ROR2: variants seen among roughly 807,000 people sequenced by gnomAD.
ROR2 encodes tyrosine-protein kinase transmembrane receptor ROR2.
Under a neutral mutation model 74.9 loss-of-function variants are expected in ROR2, and 33 were observed. The observed-to-expected ratio is 0.44, with a 90% CI of 0.33 to 0.59. ROR2 has a LOEUF of 0.59. ROR2 is among the 20% of genes least tolerant of loss of function. The pLI, the probability that ROR2 is intolerant of heterozygous loss-of-function variation, is 0.02. For synonymous variants in ROR2, 586 were observed against 558.7 expected, an observed-to-expected ratio of 1.05 and a Z score of -0.69; for missense variants, 1,216 against 1,313.8, an observed-to-expected ratio of 0.93 and a Z score of 1.15.
chr9:91,856,821 G>C (rs10992137), intron 1 of ROR2, among the ~76,000 whole-genome samples: 1 of 152,072 alleles, frequency 6.6e-6, no homozygotes, highest in African/African-American at 2.4e-5. Flanking sequence ...ACATGCACTG[G>C]GATGCTTGCT....
intron 1 of ROR2, among the ~76,000 whole-genome samples, chr9:91,821,535 C>G (rs1458606073): frequency 6.6e-6 from 1 of 152,098 alleles, no homozygotes; most frequent in Admixed American, 6.5e-5. Flanking sequence ...CAGTAGTACC[C>G]CCTGCCCCAC....
intron 1 of ROR2, among the ~76,000 whole-genome samples, chr9:91,891,027 T>A (rs1830406583): frequency 6.6e-6 from 1 of 152,234 alleles, no homozygotes; most frequent in Non-Finnish European, 1.5e-5. Context: ...CTAAATTCTA[T>A]GCAGGACTTT....
intron 2 of ROR2, among the ~76,000 whole-genome samples, chr9:91,766,794 C>A (rs1243461182): frequency 1.3e-5 from 2 of 152,186 alleles, no homozygotes; most frequent in African/African-American, 4.8e-5. Context: ...ACTGAGGTTT[C>A]GGCTCACTTG....
Position 91,823,532 on chromosome 9 carries a change from T to C in ROR2, c.98-47714A>G, listed in dbSNP as rs113100987. On this transcript the variant is annotated intron_variant, in intron 1 of 8. Coordinates refer to ENST00000375708, the MANE Select transcript of ROR2 (RefSeq NM_004560.4). ...CAAACTCCTGACCTCATGATCCACC[T>C]GCCTCAGCCTCCCCAAGTGCTGGGA... 3.0e-3 allele frequency among the ~76,000 whole-genome samples: 461 copies of C among 152,024 alleles called. 4 individuals are homozygous for C. The highest frequency in any genetic ancestry group is 9.9e-3 in the African/African-American group (411 of 41,472).
At chr9:91,833,782 A>T (rs78254216) in intron 1 of ROR2, among the ~76,000 whole-genome samples, 5,637 of 152,114 alleles carry the variant, frequency 0.037, 154 homozygotes, top group East Asian at 0.095. Flanking sequence ...CCTCTGCCCC[A>T]CGCAGCCAAG....
intron 1 of ROR2, among the ~76,000 whole-genome samples, chr9:91,825,243 G>C (rs976576269): frequency 6.6e-6 from 1 of 152,138 alleles, no homozygotes; most frequent in African/African-American, 2.4e-5. Context: ...GTTAAAGCTT[G>C]CTCGAGCCAC....
At chr9:91,859,267 T>C (rs893995519) in intron 1 of ROR2, among the ~76,000 whole-genome samples, 5 of 144,632 alleles carry the variant, frequency 3.5e-5, no homozygotes, top group African/African-American at 1.3e-4. Context: ...AGTGGTGCCA[T>C]CTTGGCTCAC....
intron 1 of ROR2, among the ~76,000 whole-genome samples, chr9:91,866,834 T>C (rs1056909722): frequency 3.3e-5 from 5 of 152,162 alleles, no homozygotes; most frequent in African/African-American, 4.8e-5. Flanking sequence ...AAAAGTTCTA[T>C]GGGGCAGAAC....
intron 4 of ROR2, among the ~76,000 whole-genome samples, chr9:91,739,333 C>T (rs1385223470): frequency 6.6e-6 from 1 of 151,902 alleles, no homozygotes; most frequent in Non-Finnish European, 1.5e-5. Context: ...ATGGTGAAAC[C>T]CCACCTCTAT....
chr9:91,845,708 C>CTTT (rs559453176), intron 1 of ROR2, among the ~76,000 whole-genome samples: 87 of 151,654 alleles, frequency 5.7e-4, no homozygotes, highest in African/African-American at 2.1e-3. Context: ...ATGGCGAAAC[C>CTTT]CCATCTCTAC....
At chr9:91,819,650 C>CTG (rs983046326) in intron 1 of ROR2, among the ~76,000 whole-genome samples, 2 of 11,372 alleles carry the variant, frequency 1.8e-4, no homozygotes, top group African/African-American at 6.4e-4. Context: ...TTTCTGTGTT[C>CTG]TCTGTGTCTG....
chr9:91,776,265 C>T (rs758540717), intron 1 of ROR2, among the ~76,000 whole-genome samples: 1 of 152,198 alleles, frequency 6.6e-6, no homozygotes, highest in African/African-American at 2.4e-5. Context: ...AACTCATTCC[C>T]CTCCCCATCC....
intron 1 of ROR2, among the ~76,000 whole-genome samples, chr9:91,798,550 A>C (rs1309877039): frequency 1.1e-4 from 11 of 97,356 alleles, no homozygotes; most frequent in East Asian, 3.9e-4. Flanking sequence ...ACACCCTGGG[A>C]TCTGTGGGTG....
chr9:91,728,727 G>A (rs935196480), intron 7 of ROR2, among the ~76,000 whole-genome samples: 1 of 152,178 alleles, frequency 6.6e-6, no homozygotes, highest in Non-Finnish European at 1.5e-5. Context: ...CACCACACCC[G>A]GCCTAAATGA....
chr9:91,799,280 C>T (rs1357000723), intron 1 of ROR2, among the ~76,000 whole-genome samples: 2 of 152,182 alleles, frequency 1.3e-5, no homozygotes, highest in East Asian at 3.8e-4. Context: ...TGGGAGGTGC[C>T]CCTTGGCCTC....
intron 1 of ROR2, among the ~76,000 whole-genome samples, chr9:91,804,160 G>A (rs148870023): frequency 6.6e-6 from 1 of 152,284 alleles, no homozygotes; most frequent in Non-Finnish European, 1.5e-5. Context: ...AGCCAGGCCT[G>A]CCACACGGCT....
At chr9:91,914,918 T>C (rs991556706) in intron 1 of ROR2, among the ~76,000 whole-genome samples, 2 of 152,118 alleles carry the variant, frequency 1.3e-5, no homozygotes, top group Non-Finnish European at 2.9e-5. Context: ...AGCATCACCA[T>C]TGAAGAGTAC....
intron 1 of ROR2, among the ~76,000 whole-genome samples, chr9:91,822,166 T>C (rs1704935548): frequency 6.6e-6 from 1 of 152,230 alleles, no homozygotes; most frequent in African/African-American, 2.4e-5. Flanking sequence ...TGGAACCAGC[T>C]ATACAAAGTC....
intron 1 of ROR2, among the ~76,000 whole-genome samples, chr9:91,898,897 C>T (rs1315642416): frequency 6.6e-6 from 1 of 152,206 alleles, no homozygotes; most frequent in Admixed American, 6.5e-5. Flanking sequence ...AGCAAGGCCA[C>T]AGTAACTCCA....
Sources: gnomAD v4.1 joint callset for allele counts (sites outside exome capture counted in the v4.1 genomes callset) on GRCh38, gnomAD v4.1.1 for gene constraint, MANE v1.5 for transcripts, NCBI Gene and HGNC (gene_info 2026-07-23, HGNC 2026-07-21) for gene names.